The following DCC variants were observed in gnomAD, a reference collection of about 807,000 sequenced individuals.
DCC encodes DCC netrin 1 receptor, also known as netrin receptor DCC.
In DCC, 58 loss-of-function variants were observed where a neutral mutation model predicts 172.5. That is an observed-to-expected ratio of 0.34 (90% CI 0.27 to 0.42). The LOEUF (loss-of-function observed/expected upper bound fraction) is 0.42, where lower values mean the gene tolerates loss of function less well. Ranked by LOEUF, DCC falls within the 10% of genes least tolerant of loss-of-function variation. DCC has a pLI of 1.00. For missense variants in DCC, 1,740 were observed against 1,791.0 expected, an observed-to-expected ratio of 0.97 and a Z score of 0.51; for synonymous variants, 709 against 644.5, an observed-to-expected ratio of 1.10 and a Z score of -1.52.
intron 26 of DCC, among the ~76,000 whole-genome samples, chr18:53,497,382 C>T (rs979312559): frequency 2.3e-4 from 35 of 152,178 alleles, no homozygotes; most frequent in African/African-American, 8.2e-4. Flanking sequence ...TCACAAGCAT[C>T]CTCTGAGACC....
At chr18:52,476,902 AG>A (rs1399774364) in intron 1 of DCC, among the ~76,000 whole-genome samples, 1 of 152,186 alleles carries the variant, frequency 6.6e-6, no homozygotes, top group Non-Finnish European at 1.5e-5. Flanking sequence ...GCAGTATTAG[AG>A]GATTGGCTCC....
At chr18:53,211,987 G>A (rs1432877093) in intron 11 of DCC, among the ~76,000 whole-genome samples, 1 of 152,156 alleles carries the variant, frequency 6.6e-6, no homozygotes, top group African/African-American at 2.4e-5. Flanking sequence ...GGCGGAGGTT[G>A]CAGTGAGCCT....
chr18:53,194,330 A>C (rs2055411535), intron 9 of DCC, among the ~76,000 whole-genome samples: 1 of 152,102 alleles, frequency 6.6e-6, no homozygotes, highest in South Asian at 2.1e-4. Context: ...ATGAAACTCG[A>C]TGTGGATTAT....
intron 25 of DCC, among the ~76,000 whole-genome samples, chr18:53,469,831 A>G (rs1176081476): frequency 6.6e-6 from 1 of 152,150 alleles, no homozygotes; most frequent in African/African-American, 2.4e-5. Context: ...ATTAGTTTTA[A>G]TAAGATTTTT....
chr18:52,897,426 T>G (rs1598908762), intron 2 of DCC, among the ~76,000 whole-genome samples: 2 of 152,212 alleles, frequency 1.3e-5, no homozygotes, highest in East Asian at 3.9e-4. Context: ...CTTTCAAAAT[T>G]TGGATGTCTG....
intron 2 of DCC, among the ~76,000 whole-genome samples, chr18:52,808,589 AT>A (rs2038133188): frequency 1.3e-5 from 2 of 152,212 alleles, no homozygotes; most frequent in Non-Finnish European, 2.9e-5. Context: ...GAAACTCCCT[AT>A]TTTGGAAGGG....
chr18:53,464,979 C>CAAAA (rs71179510), intron 24 of DCC, among the ~76,000 whole-genome samples: 81 of 54,820 alleles, frequency 1.5e-3, no homozygotes, highest in African/African-American at 4.7e-3. Context: ...AACTCAATCT[C>CAAAA]AAAAAAAAAA....
intron 2 of DCC, among the ~76,000 whole-genome samples, chr18:52,828,096 C>G (rs565187075): frequency 1.3e-5 from 2 of 152,236 alleles, no homozygotes; most frequent in East Asian, 3.9e-4. Flanking sequence ...CCACATGCCC[C>G]ATGCTAATGG....
chr18:52,739,413 G>C (rs2036780902), intron 1 of DCC, among the ~76,000 whole-genome samples: 1 of 152,052 alleles, frequency 6.6e-6, no homozygotes, highest in Non-Finnish European at 1.5e-5. Flanking sequence ...GGTTCCCAGG[G>C]GTTGTATGAA....
chr18:52,602,085 A>C (rs1244503709), intron 1 of DCC, among the ~76,000 whole-genome samples: 1 of 152,200 alleles, frequency 6.6e-6, no homozygotes, highest in East Asian at 1.9e-4. Context: ...ATGTGAATCT[A>C]TCCAACATAT....
chr18:53,362,257 T>C, intron 15 of DCC, among the ~76,000 whole-genome samples: 1 of 152,178 alleles, frequency 6.6e-6, no homozygotes, highest in Non-Finnish European at 1.5e-5. Context: ...ATCAAAAGCA[T>C]GGATAAATAT....
chr18:52,817,398 G>A (rs1012195024), intron 2 of DCC, among the ~76,000 whole-genome samples: 1 of 152,134 alleles, frequency 6.6e-6, no homozygotes, highest in South Asian at 2.1e-4. Context: ...TTTAATGCCA[G>A]TCCTTCAGTA....
chr18:53,313,906 T>C (rs1052433166), intron 13 of DCC, among the ~76,000 whole-genome samples: 4 of 152,328 alleles, frequency 2.6e-5, no homozygotes, highest in Middle Eastern at 3.4e-3. Flanking sequence ...GTCTCTAAAA[T>C]GGGACCAATC....
chr18:53,374,613 G>C (rs554811945), intron 15 of DCC, among the ~76,000 whole-genome samples: 1 of 151,874 alleles, frequency 6.6e-6, no homozygotes, highest in Non-Finnish European at 1.5e-5. Flanking sequence ...TGAGTGAAAA[G>C]GCAAAATAAA....
intron 5 of DCC, among the ~76,000 whole-genome samples, chr18:52,968,102 A>G (rs1189569085): frequency 6.6e-6 from 1 of 152,200 alleles, no homozygotes; most frequent in East Asian, 1.9e-4. Context: ...TGGTCCAAGA[A>G]TTAGAATAGA....
chr18:53,057,869 A>T (rs1469054927), intron 5 of DCC, among the ~76,000 whole-genome samples: 1 of 152,112 alleles, frequency 6.6e-6, no homozygotes, highest in African/African-American at 2.4e-5. Context: ...CTCCATCTTT[A>T]AGAACCTTAA....
chr18:52,863,105 T>A (rs1056567266), intron 2 of DCC, among the ~76,000 whole-genome samples: 20 of 152,098 alleles, frequency 1.3e-4, no homozygotes, highest in Non-Finnish European at 5.9e-5. Flanking sequence ...TCCAGTTTCA[T>A]CTATTCTTTA....
chr18:52,840,035 C>T (rs948656407), intron 2 of DCC, among the ~76,000 whole-genome samples: 1 of 152,178 alleles, frequency 6.6e-6, no homozygotes, highest in African/African-American at 2.4e-5. Context: ...GTTTCTCGTT[C>T]ATTAGTTCTC....
chr18:52,480,714 G>A (rs960720270), intron 1 of DCC, among the ~76,000 whole-genome samples: 2 of 152,132 alleles, frequency 1.3e-5, no homozygotes, highest in African/African-American at 2.4e-5. Context: ...GGTTGAATTT[G>A]CCCTTTTGGC....
Sources: allele counts gnomAD v4.1 joint callset (sites outside exome capture counted in the v4.1 genomes callset), GRCh38; gene constraint gnomAD v4.1.1; transcripts MANE v1.5; gene names NCBI Gene and HGNC (gene_info 2026-07-23, HGNC 2026-07-21).